Variants in MTCL2 observed in about 807,000 individuals in gnomAD.
The protein encoded by MTCL2 is microtubule cross-linking factor 2.
chr20:36,791,325 G>A, the MTCL2 span, among the ~76,000 whole-genome samples: 13 of 152,102 alleles, frequency 8.5e-5, no homozygotes, highest in South Asian at 2.1e-4. Context: ...GAGCCACCGC[G>A]CCCGGCCACA....
chr20:36,823,398 T>C, the MTCL2 span, among the ~76,000 whole-genome samples: 1 of 152,214 alleles, frequency 6.6e-6, no homozygotes, highest in Non-Finnish European at 1.5e-5. Flanking sequence ...GCCCTCACGG[T>C]GGTTGTGACA....
At chr20:36,801,576 A>T in the MTCL2 span, among the ~76,000 whole-genome samples, 1 of 150,362 alleles carries the variant, frequency 6.7e-6, no homozygotes, top group Non-Finnish European at 1.5e-5. Context: ...TTTTTTCATT[A>T]AAAAAAAATG....
the MTCL2 span, chr20:36,793,241 C>T: frequency 1.9e-6 from 3 of 1,548,264 alleles, no homozygotes; most frequent in East Asian, 4.9e-5. This position sits in a 1 kb window ranked among gnomAD's most constrained non-coding sequence, Gnocchi z 6.8. Context: ...CAGATCCCAC[C>T]CACCTACCTC....
the MTCL2 span, chr20:36,812,628 T>C: frequency 3.8e-6 from 6 of 1,568,654 alleles, no homozygotes; most frequent in South Asian, 1.2e-5. Context: ...AAGTGATATA[T>C]GGACCACTCT....
the MTCL2 span, chr20:36,812,775 C>T: frequency 6.2e-7 from 1 of 1,613,868 alleles, no homozygotes; most frequent in Non-Finnish European, 8.5e-7. Flanking sequence ...GGCTTAGAGT[C>T]CAAGTCACCA....
chr20:36,806,829 T>G, the MTCL2 span, among the ~76,000 whole-genome samples: 27 of 152,180 alleles, frequency 1.8e-4, no homozygotes, highest in Non-Finnish European at 3.8e-4. Flanking sequence ...CAATTTTCTA[T>G]GTTTATGCCC....
the MTCL2 span, chr20:36,816,174 T>A: frequency 6.2e-7 from 1 of 1,613,622 alleles, no homozygotes; most frequent in Non-Finnish European, 8.5e-7. Flanking sequence ...CAGGTCCCCA[T>A]AGAGCGAGCG....
At chr20:36,808,444 TG>T in the MTCL2 span, 2 of 1,327,668 alleles carry the variant, frequency 1.5e-6, no homozygotes, top group East Asian at 2.5e-5. Flanking sequence ...CAATACCAGC[TG>T]GGCGTCCCTT....
chr20:36,807,449 C>T, the MTCL2 span, among the ~76,000 whole-genome samples: 4 of 152,066 alleles, frequency 2.6e-5, no homozygotes, highest in African/African-American at 9.7e-5. Context: ...CAAAAGGACA[C>T]GGCCAAAGTG....
the MTCL2 span, among the ~76,000 whole-genome samples, chr20:36,788,518 G>A: frequency 3.3e-5 from 5 of 151,964 alleles, no homozygotes; most frequent in African/African-American, 9.7e-5. Flanking sequence ...GGTGCCTGTA[G>A]TCCCAGCTAC....
the MTCL2 span, among the ~76,000 whole-genome samples, chr20:36,798,188 G>A: frequency 6.6e-6 from 1 of 151,958 alleles, no homozygotes; most frequent in Admixed American, 6.6e-5. Context: ...TCCTGCCTCA[G>A]CCTCCCGAGT....
At chr20:36,793,510 C>T in the MTCL2 span, 1 of 1,551,720 alleles carries the variant, frequency 6.4e-7, no homozygotes, top group Non-Finnish European at 8.7e-7. The surrounding 1 kb of genome is among the most constrained non-coding windows in gnomAD (Gnocchi z 6.8). Context: ...CAATGCCGTA[C>T]TTGGGAGGCT....
the MTCL2 span, among the ~76,000 whole-genome samples, chr20:36,855,461 C>T: frequency 2.6e-5 from 4 of 152,212 alleles, no homozygotes; most frequent in South Asian, 4.1e-4. Context: ...CTGACTGAGG[C>T]CTCCAGTGAT....
the MTCL2 span, chr20:36,796,844 G>A: frequency 1.0e-5 from 16 of 1,607,628 alleles, no homozygotes; most frequent in African/African-American, 2.7e-5. Context: ...CTGTGGGGCC[G>A]GTCAGAGAGG....
the MTCL2 span, chr20:36,785,913 C>T: frequency 1.0e-6 from 1 of 986,694 alleles, no homozygotes; most frequent in Non-Finnish European, 1.2e-6. Context: ...CCCTAGTGTC[C>T]CAGCAATCTA....
At chr20:36,862,811 CT>C in the MTCL2 span, 1 of 1,391,114 alleles carries the variant, frequency 7.2e-7, no homozygotes, top group Non-Finnish European at 9.3e-7. Flanking sequence ...CCACCGACGG[CT>C]CGTCCGGGGA....
the MTCL2 span, chr20:36,793,629 A>G: frequency 6.4e-7 from 1 of 1,551,404 alleles, no homozygotes; most frequent in Non-Finnish European, 8.7e-7. This position sits in a 1 kb window ranked among gnomAD's most constrained non-coding sequence, Gnocchi z 6.8. Flanking sequence ...ATGTTTCTCA[A>G]TACAGGGCTG....
At chr20:36,822,218 G>A in the MTCL2 span, among the ~76,000 whole-genome samples, 1 of 152,270 alleles carries the variant, frequency 6.6e-6, no homozygotes, top group East Asian at 1.9e-4. Context: ...AGAAAGCCAG[G>A]GCCTGTCAGA....
the MTCL2 span, chr20:36,802,941 T>C: frequency 6.3e-7 from 1 of 1,577,576 alleles, no homozygotes; most frequent in East Asian, 2.3e-5. Flanking sequence ...CTGCAGCTTT[T>C]CCTGGCTCCA....
Sources: allele counts gnomAD v4.1 joint callset (sites outside exome capture counted in the v4.1 genomes callset), GRCh38; gene constraint gnomAD v4.1.1; non-coding constraint Gnocchi (gnomAD v3.1); transcripts MANE v1.5; gene names NCBI Gene and HGNC (gene_info 2026-07-23, HGNC 2026-07-21).